ZNF214: variants seen among roughly 807,000 people sequenced by gnomAD.
ZNF214 encodes BWSCR2-associated zinc finger protein 1.
In ZNF214, 43 loss-of-function variants were observed where a neutral mutation model predicts 53.9. That is an observed-to-expected ratio of 0.80 (90% confidence interval 0.63 to 1.03). ZNF214 has a LOEUF of 1.03. Among genes scored for constraint, ZNF214 ranks in the 50% least tolerant of loss-of-function variants. The pLI is 0.00. For missense variants in ZNF214, 724 were observed against 719.1 expected (o/e 1.01, Z -0.08); for synonymous variants, 217 against 229.5 (o/e 0.95, Z 0.49).
chr11:7,003,405 TCAGCAG>T (rs148046850), intron 1 of ZNF214, among the ~76,000 whole-genome samples: 1 of 151,940 alleles, frequency 6.6e-6, no homozygotes, highest in Non-Finnish European at 1.5e-5. Context: ...ACTATCATCA[TCAGCAG>T]CAGCAGCAGC....
chr11:7,000,634 C>A lies in ZNF214; in HGVS notation c.1049G>T (p.Arg350Ile), dbSNP rs996751600. ...AAAAGGCTTCTCTCCTATGTGAAGT[C>A]TCTGGTGAATGTGAAGTAATGAATT... is the stretch of plus-strand genomic sequence containing the variant. ...SRNSLLHIHQ[R>I]LHIGEKPFKC... is the part of the protein sequence containing the mutation. The change falls in exon 3 of 3, where the codon AGA becomes ATA. Residue 350 changes from arginine to isoleucine, a missense_variant. By Grantham distance (97) the Arg-to-Ile change is moderately conservative. Coordinates refer to ENST00000278314, the MANE Select transcript of ZNF214 (RefSeq NM_013249.4). 1.2e-6 allele frequency: 2 copies of A among 1,600,924 alleles called. No individual in the cohort carries two copies. Among genetic ancestry groups the A allele is most frequent in the African/African-American group, 2.7e-5 (2 of 74,282 alleles).
intron 1 of ZNF214, among the ~76,000 whole-genome samples, chr11:7,003,793 T>C (rs909470283): frequency 5.9e-5 from 9 of 151,786 alleles, no homozygotes; most frequent in African/African-American, 2.2e-4. Context: ...TACATGAAAA[T>C]ACATGTCTAA....
At chr11:7,006,588 T>G (rs1161438179) in intron 1 of ZNF214, among the ~76,000 whole-genome samples, 1 of 152,094 alleles carries the variant, frequency 6.6e-6, no homozygotes, top group Non-Finnish European at 1.5e-5. Flanking sequence ...TATTGTGACA[T>G]TAAATAAGTC....
At chr11:7,002,667 C>T in intron 2 of ZNF214, 42 bp downstream of exon 2, 2 of 1,518,844 alleles carry the variant, frequency 1.3e-6, no homozygotes, top group South Asian at 1.3e-5. Context: ...CAAAACTGCT[C>T]CTAGAAGAAA....
At chr11:7,016,105 G>A (rs1213190058) in intron 1 of ZNF214, 1 of 151,898 alleles carries the variant, frequency 6.6e-6, no homozygotes, top group Non-Finnish European at 1.5e-5. Context: ...TATCAGATAT[G>A]CATTATAGTT....
At chr11:7,011,030 G>T (rs1851595844) in intron 1 of ZNF214, among the ~76,000 whole-genome samples, 1 of 151,738 alleles carries the variant, frequency 6.6e-6, no homozygotes, top group Non-Finnish European at 1.5e-5. Context: ...AATTAAAATG[G>T]TAGCCATGCT....
intron 2 of ZNF214, among the ~76,000 whole-genome samples, chr11:7,002,271 T>C (rs1851372763): frequency 6.6e-6 from 1 of 151,966 alleles, no homozygotes; most frequent in Non-Finnish European, 1.5e-5. Context: ...GGCAGCTTAA[T>C]CTTAGACCAT....
intron 1 of ZNF214, among the ~76,000 whole-genome samples, chr11:7,014,818 A>C (rs914292052): frequency 1.1e-4 from 16 of 147,376 alleles, no homozygotes; most frequent in Admixed American, 6.8e-4. Context: ...AAAAAAAAAA[A>C]ACAAAAAAAA....
chr11:6,999,297 G>C lies in ZNF214; in HGVS notation c.*565C>G, dbSNP rs957316441. The C allele has an allele frequency of 6.5e-6, 1 of 152,726 alleles. No individual in the cohort carries two copies. The highest frequency in any genetic ancestry group is 6.5e-5 in the Admixed American group (1 of 15,284). The allele number at this position is 152,726 out of a possible 1,614,324, so 9.5% of individuals were successfully genotyped here. A position where few individuals can be genotyped will look rare whatever the true frequency, so the allele number is the denominator to read the frequency against. On this transcript the variant is annotated 3_prime_UTR_variant, in exon 3 of 3. Transcript: ENST00000278314. ...ACAGAGATAACAACTCAGATACACT[G>C]TCTCAGACACAATGTCATACAATGC...
rs1851385654 is a variant in ZNF214, at chr11:7,002,818, T to A, written c.18A>T (p.Glu6Asp). The change falls in exon 2 of 3, where the codon GAA becomes GAT. Residue 6 changes from glutamate to aspartate, a missense_variant. Transcript: ENST00000278314. ...CCCATGTAAAAATAATAGTCACATC[T>A]TCAAATGTTACTGCCATCTGGTCAA... The part of the protein sequence containing the change: MAVTF[E>D]DVTIIFTWEE... 6.2e-7 allele frequency: 1 copy of A among 1,602,302 alleles called. No individual in the cohort carries two copies.
At chr11:7,003,222 GATC>G (rs374446749) in intron 1 of ZNF214, among the ~76,000 whole-genome samples, 54 of 152,058 alleles carry the variant, frequency 3.6e-4, no homozygotes, top group African/African-American at 1.3e-3. Flanking sequence ...GGAAAGAACA[GATC>G]ATAAATTGGT....
In ZNF214 at chr11:7,001,405, T is replaced by C; in HGVS notation, c.278A>G (p.Lys93Arg). 1 of 1,613,318 alleles carries C rather than the reference T, an allele frequency of 6.2e-7. No homozygotes were observed. The highest frequency in any genetic ancestry group is 8.5e-7 in the Non-Finnish European group (1 of 1,179,424). ...GGAACGATCTTGCTGTGTGAGGTCT[T>C]TGGAATCTGTCCCTTGAACAGTTTC... is the stretch of plus-strand genomic sequence containing the variant. Reference protein sequence around the residue: ...YGETVQGTDSKDLTQQDRSQC... With the variant: ...YGETVQGTDSRDLTQQDRSQC... The change falls in exon 3 of 3, where the codon AAA (lysine) becomes AGA (arginine). Residue 93 changes from lysine to arginine, a missense_variant. By Grantham distance (26) the Lys-to-Arg change is conservative. Transcript: ENST00000278314.
At chr11:7,019,552 TG>T (rs1851861266) in intron 1 of ZNF214, 1 of 152,182 alleles carries the variant, frequency 6.6e-6, no homozygotes, top group Non-Finnish European at 1.5e-5. Flanking sequence ...GAAAAGTACC[TG>T]GAGTCTTAGA....
At chr11:7,018,820 T>C (rs1851841472) in intron 1 of ZNF214, among the ~76,000 whole-genome samples, 1 of 152,170 alleles carries the variant, frequency 6.6e-6, no homozygotes, top group Non-Finnish European at 1.5e-5. Flanking sequence ...CTTATAATTC[T>C]TTATCTCAGA....
intron 1 of ZNF214, among the ~76,000 whole-genome samples, chr11:7,008,538 GC>G (rs199748208): frequency 0.017 from 2,615 of 151,818 alleles, 39 homozygotes; most frequent in Non-Finnish European, 0.024. Flanking sequence ...AGACAAGAAT[GC>G]CCACTCTCAC....
At chr11:7,009,041 T>G (rs2133400551) in intron 1 of ZNF214, among the ~76,000 whole-genome samples, 1 of 152,078 alleles carries the variant, frequency 6.6e-6, no homozygotes, top group Admixed American at 6.6e-5. Context: ...TCCATCAAAC[T>G]ACCAATGACA....
chr11:7,003,662 G>T (rs1410396895), intron 1 of ZNF214, among the ~76,000 whole-genome samples: 4 of 151,916 alleles, frequency 2.6e-5, no homozygotes, highest in African/African-American at 9.7e-5. Flanking sequence ...TTGATGAAGG[G>T]TTGTCAGTTG....
chr11:7,020,128 T>C lies in ZNF214; in HGVS notation c.-76A>G, dbSNP rs1376949630. The C allele has an allele frequency of 1.3e-5, 2 of 152,406 alleles. No homozygotes were observed. Among genetic ancestry groups the C allele is most frequent in the East Asian group, 1.9e-4 (1 of 5,164 alleles). 9.4% of individuals were successfully genotyped at this position (152,406 alleles called of 1,614,324 possible). On this transcript the variant is annotated 5_prime_UTR_variant, in exon 1 of 3. Coordinates refer to ENST00000278314, the MANE Select transcript of ZNF214 (RefSeq NM_013249.4). ...CGTGATGTACCCATCTACACGGGTG[T>C]CTCTGGGGTTTCTAAACCGGAGTAG...
At chr11:7,004,173 A>G (rs1036088264) in intron 1 of ZNF214, among the ~76,000 whole-genome samples, 2 of 151,966 alleles carry the variant, frequency 1.3e-5, no homozygotes, top group Non-Finnish European at 2.9e-5. Context: ...TTTTACTGGA[A>G]ATAAGTTCAT....
Sources: gnomAD v4.1 joint callset for allele counts (sites outside exome capture counted in the v4.1 genomes callset) on GRCh38, gnomAD v4.1.1 for gene constraint, MANE v1.5 for transcripts, NCBI Gene and HGNC (gene_info 2026-07-23, HGNC 2026-07-21) for gene names.